FOXP2: variants seen among roughly 807,000 people sequenced by gnomAD.
FOXP2 encodes forkhead box P2.
FOXP2 carries 12 observed loss-of-function variants against 115.8 expected under a neutral mutation model. The ratio of observed to expected loss-of-function variants is 0.10; its 90% CI spans 0.07 to 0.17. The LOEUF (loss-of-function observed/expected upper bound fraction) is 0.17. Among genes scored for constraint, FOXP2 ranks in the 10% least tolerant of loss-of-function variants. FOXP2 has a pLI of 1.00. For synonymous variants in FOXP2, 328 were observed against 297.7 expected, an observed-to-expected ratio of 1.10 and a Z score of -1.05; for missense variants, 629 against 843.5, an observed-to-expected ratio of 0.75 and a Z score of 3.15.
chr7:114,574,850 CT>C (rs1801495471), intron 3 of FOXP2, among the ~76,000 whole-genome samples: 1 of 151,774 alleles, frequency 6.6e-6, no homozygotes, highest in Admixed American at 6.6e-5. Context: ...TGTCTTGTAC[CT>C]ATAATCTGAA....
intron 1 of FOXP2, among the ~76,000 whole-genome samples, chr7:114,274,433 G>A (rs1796134218): frequency 6.6e-6 from 1 of 151,772 alleles, no homozygotes; most frequent in Non-Finnish European, 1.5e-5. Flanking sequence ...CTGAGTGTCT[G>A]ACCTGTATTA....
rs1804803743 is a variant in FOXP2 at position 114,629,933 on chromosome 7, GCAGCAACAACAGCAGCAGCAGCAGCAA to G, written c.531_557del (p.Gln183_Gln191del). On this transcript the variant is annotated inframe_deletion, in exon 5 of 17. Transcript: ENST00000350908. ...AGCAGCAGCAACAACAACAACAACA[GCAGCAACAACAGCAGCAGCAGCAGCAA>G]CAGCAGCAGCAGCAGCAACAGCATC... is the stretch of plus-strand genomic sequence containing the variant. 6.2e-7 allele frequency: 1 copy of G among 1,611,316 alleles called. No homozygotes were observed. The highest frequency in any genetic ancestry group is 1.3e-5 in the African/African-American group (1 of 74,564).
intron 2 of FOXP2, among the ~76,000 whole-genome samples, chr7:114,503,427 C>T (rs1354957072): frequency 6.6e-6 from 1 of 151,550 alleles, no homozygotes; most frequent in Non-Finnish European, 1.5e-5. Flanking sequence ...AATGGCAAAG[C>T]CAAGATCAAT....
chr7:114,472,727 T>G (rs1466279316), intron 2 of FOXP2, among the ~76,000 whole-genome samples: 1 of 152,222 alleles, frequency 6.6e-6, no homozygotes, highest in Non-Finnish European at 1.5e-5. Context: ...ACAAATTTAC[T>G]GCTTTTAAGA....
intron 3 of FOXP2, among the ~76,000 whole-genome samples, chr7:114,584,428 A>G (rs1802026166): frequency 6.6e-6 from 1 of 152,190 alleles, no homozygotes; most frequent in Non-Finnish European, 1.5e-5. Context: ...CATGCTCTCA[A>G]AAACTTGACA....
At chr7:114,198,884 T>A (rs1233109132) in intron 1 of FOXP2, among the ~76,000 whole-genome samples, 1 of 152,034 alleles carries the variant, frequency 6.6e-6, no homozygotes, top group African/African-American at 2.4e-5. Flanking sequence ...CATGGAAGAG[T>A]TGACATTGCA....
chr7:114,383,512 A>G lies in FOXP2; in HGVS notation c.-10-42990A>G, dbSNP rs182110640. Among the ~76,000 whole-genome samples the G allele has an allele frequency of 1.8e-4, 28 of 152,268 alleles. No individual in the cohort carries two copies. The East Asian group carries it at 3.5e-3, about 19-fold the overall frequency. ...GTAGGGCATAAACTACACTTTTTAC[A>G]TAATTGCGAGTTGTCTCTTAATGAA... On this transcript the variant is annotated intron_variant, in intron 2 of 17. Coordinates refer to the FOXP2 transcript ENST00000634411.
At chr7:114,516,097 G>A (rs545893202) in intron 2 of FOXP2, among the ~76,000 whole-genome samples, 17 of 152,178 alleles carry the variant, frequency 1.1e-4, no homozygotes, top group Non-Finnish European at 2.1e-4. Context: ...AGCCCGCATC[G>A]CCAAGTCAAC....
In FOXP2 at chr7:114,291,944, T is replaced by TACAG. The variant is rs1796609925; in HGVS notation, c.-11+3836_-11+3837insCAGA. On this transcript the variant is annotated intron_variant, in intron 2 of 17. Coordinates refer to the FOXP2 transcript ENST00000634411. ...TATAGATAATATATAGAATATATAT[T>TACAG]ATAGATAATATATAGAATATATATT... Among the ~76,000 whole-genome samples the TACAG allele has an allele frequency of 2.8e-5, 4 of 142,278 alleles. 1 individual carries two copies. Among genetic ancestry groups the TACAG allele is most frequent in the African/African-American group, 1.0e-4 (4 of 39,274 alleles). The allele number at this position is 142,278 out of a possible 152,430, so 93.3% of individuals were successfully genotyped here.
At chr7:114,509,319 G>T (rs1797964968) in intron 2 of FOXP2, among the ~76,000 whole-genome samples, 1 of 151,984 alleles carries the variant, frequency 6.6e-6, no homozygotes, top group Non-Finnish European at 1.5e-5. Flanking sequence ...TTTCGCTCTT[G>T]TTGCCCAGGC....
intron 3 of FOXP2, among the ~76,000 whole-genome samples, chr7:114,608,574 T>C (rs577594075): frequency 2.0e-5 from 3 of 152,298 alleles, no homozygotes; most frequent in Admixed American, 2.0e-4. Flanking sequence ...ACCTTTGCTA[T>C]ATTCTATTAG....
intron 1 of FOXP2, among the ~76,000 whole-genome samples, chr7:114,280,598 G>A (rs1796309255): frequency 6.6e-6 from 1 of 152,064 alleles, no homozygotes; most frequent in South Asian, 2.1e-4. Flanking sequence ...GTGAGATACA[G>A]TAACTACAGA....
chr7:114,566,415 A>G (rs1241400228), intron 3 of FOXP2, among the ~76,000 whole-genome samples: 2 of 151,996 alleles, frequency 1.3e-5, no homozygotes, highest in African/African-American at 4.8e-5. Flanking sequence ...TCTTGGTGCC[A>G]TCCTTGTGAT....
intron 1 of FOXP2, among the ~76,000 whole-genome samples, chr7:114,177,485 T>C (rs2129154374): frequency 6.6e-6 from 1 of 152,208 alleles, no homozygotes; most frequent in South Asian, 2.1e-4. Flanking sequence ...AAAGCATGCT[T>C]ATTTATAAAT....
chr7:114,495,990 A>T (rs1272359710), intron 2 of FOXP2, among the ~76,000 whole-genome samples: 3 of 151,920 alleles, frequency 2.0e-5, no homozygotes, highest in East Asian at 3.9e-4. Flanking sequence ...AGGTTTAGAG[A>T]CTCTCCTCAT....
intron 1 of FOXP2, among the ~76,000 whole-genome samples, chr7:114,226,332 G>T (rs922589977): frequency 6.6e-6 from 1 of 152,096 alleles, no homozygotes; most frequent in African/African-American, 2.4e-5. Flanking sequence ...GGTAATTCTG[G>T]ATGCTTTTGT....
chr7:114,184,318 A>C (rs1050027706), intron 1 of FOXP2, among the ~76,000 whole-genome samples: 11 of 152,194 alleles, frequency 7.2e-5, no homozygotes, highest in African/African-American at 2.4e-4. Flanking sequence ...AGTTTACTCA[A>C]AATGGCTGCC....
At chr7:114,392,690 A>C (rs1584690166) in intron 2 of FOXP2, among the ~76,000 whole-genome samples, 1 of 152,258 alleles carries the variant, frequency 6.6e-6, no homozygotes, top group South Asian at 2.1e-4. Context: ...ACTCAGCTTT[A>C]GGCTCTCTTC....
intron 1 of FOXP2, among the ~76,000 whole-genome samples, chr7:114,119,355 G>C (rs977424845): frequency 6.6e-6 from 1 of 152,086 alleles, no homozygotes; most frequent in Non-Finnish European, 1.5e-5. Flanking sequence ...TCTGATCATG[G>C]TGTATAAATG....
Sources: allele counts gnomAD v4.1 joint callset (sites outside exome capture counted in the v4.1 genomes callset), GRCh38; gene constraint gnomAD v4.1.1; transcripts MANE v1.5; gene names NCBI Gene and HGNC (gene_info 2026-07-23, HGNC 2026-07-21).